PRR16: variants seen among roughly 807,000 people sequenced by gnomAD.
The protein encoded by PRR16 is protein Largen.
Under a neutral mutation model 18.2 loss-of-function variants are expected in PRR16, and 6 were observed. The ratio of observed to expected loss-of-function variants is 0.33; its 90% CI spans 0.18 to 0.65. The LOEUF (loss-of-function observed/expected upper bound fraction) is 0.65. Ranked by LOEUF, PRR16 falls within the 30% of genes least tolerant of loss-of-function variation. PRR16 has a pLI of 0.74. For missense variants in PRR16, 412 were observed against 376.6 expected (o/e 1.09, Z -0.78); for synonymous variants, 151 against 147.8 (o/e 1.02, Z -0.16).
In PRR16 at chr5:120,677,905, C is replaced by CTTTTTTTTTTTTTTTTTT. The variant is rs386404833; in HGVS notation, c.160-8044_160-8027dup. Among the ~76,000 whole-genome samples the CTTTTTTTTTTTTTTTTTT allele has an allele frequency of 1.3e-3, 121 of 93,178 alleles. 1 individual carries two copies. Among genetic ancestry groups the CTTTTTTTTTTTTTTTTTT allele is most frequent in the East Asian group, 1.7e-3 (5 of 2,912 alleles). 61.1% of individuals were successfully genotyped at this position (93,178 alleles called of 152,430 possible). A position where few individuals can be genotyped will look rare whatever the true frequency, so the allele number is the denominator to read the frequency against. ...ACTAAACTGCTTTTTCTTTTTCTTT[C>CTTTTTTTTTTTTTTTTTT]TTTTTTTTTTTTTTTTTTTTTTGAG... On this transcript the variant is annotated intron_variant, in intron 1 of 1. Coordinates refer to ENST00000407149, the MANE Select transcript of PRR16 (RefSeq NM_001300783.2).
At chr5:120,741,670 C>T in the PRR16 span, among the ~76,000 whole-genome samples, 17 of 152,100 alleles carry the variant, frequency 1.1e-4, no homozygotes, top group African/African-American at 3.1e-4. Context: ...GGCCCGATCA[C>T]GGCTCACTGC....
intron 1 of PRR16, among the ~76,000 whole-genome samples, chr5:120,505,313 C>A (rs1008707044): frequency 1.2e-4 from 19 of 152,132 alleles, no homozygotes; most frequent in Admixed American, 2.6e-4. Flanking sequence ...CATTCCTGAG[C>A]AAATGCATTA....
chr5:120,598,794 T>C (rs1753893369), intron 1 of PRR16, among the ~76,000 whole-genome samples: 1 of 151,914 alleles, frequency 6.6e-6, no homozygotes, highest in South Asian at 2.1e-4. Flanking sequence ...TATTCTATGG[T>C]GTTTATATGC....
At chr5:120,561,748 T>C (rs1431043997) in intron 1 of PRR16, among the ~76,000 whole-genome samples, 1 of 152,172 alleles carries the variant, frequency 6.6e-6, no homozygotes, top group Non-Finnish European at 1.5e-5. Context: ...TCCCATACTA[T>C]TCTCATGATA....
chr5:120,613,855 C>A (rs1754416848), intron 1 of PRR16, among the ~76,000 whole-genome samples: 1 of 152,146 alleles, frequency 6.6e-6, no homozygotes, highest in African/African-American at 2.4e-5. Flanking sequence ...AGCCTAAGAG[C>A]TGAGCTTTAG....
chr5:120,665,748 G>T (rs572048897), intron 1 of PRR16, among the ~76,000 whole-genome samples: 157 of 152,262 alleles, frequency 1.0e-3, no homozygotes, highest in Non-Finnish European at 1.2e-3. Flanking sequence ...TGTCAGGTTT[G>T]TCAAAGATCA....
At chr5:120,720,844 A>G in the PRR16 span, among the ~76,000 whole-genome samples, 8 of 151,996 alleles carry the variant, frequency 5.3e-5, no homozygotes, top group African/African-American at 1.9e-4. Context: ...ATGAACTGTA[A>G]GTGTCCTTTT....
intron 1 of PRR16, among the ~76,000 whole-genome samples, chr5:120,541,335 G>A (rs912618313): frequency 6.6e-6 from 1 of 152,250 alleles, no homozygotes; most frequent in South Asian, 2.1e-4. Context: ...TAGTTGAGAT[G>A]TGGTTTCACT....
chr5:120,572,175 T>C (rs1752929532), intron 1 of PRR16, among the ~76,000 whole-genome samples: 1 of 152,224 alleles, frequency 6.6e-6, no homozygotes, highest in South Asian at 2.1e-4. Context: ...GAGTCTCTCA[T>C]ATTGTATTGG....
At chr5:120,478,965 T>C (rs950382006) in intron 1 of PRR16, among the ~76,000 whole-genome samples, 12 of 152,182 alleles carry the variant, frequency 7.9e-5, no homozygotes, top group African/African-American at 2.9e-4. Context: ...ACTCTACTTA[T>C]GTGCTTTAGA....
At chr5:120,610,243 C>G (rs1754290611) in intron 1 of PRR16, among the ~76,000 whole-genome samples, 1 of 151,876 alleles carries the variant, frequency 6.6e-6, no homozygotes, top group Non-Finnish European at 1.5e-5. Flanking sequence ...ATACTGTACT[C>G]TTTCTTTATT....
At chr5:120,698,020 A>G in the PRR16 span, among the ~76,000 whole-genome samples, 10,166 of 152,008 alleles carry the variant, frequency 0.067, 364 homozygotes, top group South Asian at 0.087. Flanking sequence ...CTTGGCTTGG[A>G]CTCAGAGGCC....
chr5:120,714,720 G>A, the PRR16 span, among the ~76,000 whole-genome samples: 1 of 151,978 alleles, frequency 6.6e-6, no homozygotes, highest in Non-Finnish European at 1.5e-5. Flanking sequence ...TTTACAATAG[G>A]AAAGACATGG....
chr5:120,551,543 A>G (rs938939729), intron 1 of PRR16, among the ~76,000 whole-genome samples: 2 of 151,898 alleles, frequency 1.3e-5, no homozygotes, highest in East Asian at 3.9e-4. Context: ...TGATGAATGC[A>G]TGGTAGTTTC....
chr5:120,753,464 T>A, the PRR16 span, among the ~76,000 whole-genome samples: 1 of 151,950 alleles, frequency 6.6e-6, no homozygotes. Context: ...TTTGCTTGAA[T>A]AAATTTAGAA....
chr5:120,631,165 G>A (rs1026185872), intron 1 of PRR16, among the ~76,000 whole-genome samples: 1 of 152,116 alleles, frequency 6.6e-6, no homozygotes, highest in Admixed American at 6.6e-5. Flanking sequence ...TATATATCAT[G>A]ACAGTAAAAT....
At chr5:120,747,776 A>AAGGG in the PRR16 span, among the ~76,000 whole-genome samples, 1 of 152,020 alleles carries the variant, frequency 6.6e-6, no homozygotes, top group African/African-American at 2.4e-5. Flanking sequence ...GGAAGGAAGG[A>AAGGG]GAAAAAGAAG....
downstream of PRR16, among the ~76,000 whole-genome samples, chr5:120,689,708 T>A (rs1312930351): frequency 6.6e-6 from 1 of 151,964 alleles, no homozygotes; most frequent in East Asian, 1.9e-4. Flanking sequence ...TAGGACATAT[T>A]TCAAAAGGCA....
chr5:120,692,921 T>C, the PRR16 span, among the ~76,000 whole-genome samples: 3 of 152,202 alleles, frequency 2.0e-5, no homozygotes, highest in Admixed American at 1.3e-4. Flanking sequence ...TTAAACACTT[T>C]AGAATTGCAT....
Sources: allele counts gnomAD v4.1 joint callset (sites outside exome capture counted in the v4.1 genomes callset), GRCh38; gene constraint gnomAD v4.1.1; transcripts MANE v1.5; gene names NCBI Gene and HGNC (gene_info 2026-07-23, HGNC 2026-07-21).